Variants in FER1L6 observed in about 807,000 individuals in gnomAD.
FER1L6 encodes the protein fer-1-like protein 6.
In FER1L6, 177 loss-of-function variants were observed where a neutral mutation model predicts 219.2. The observed-to-expected ratio is 0.81, with a 90% CI of 0.71 to 0.91. The LOEUF (loss-of-function observed/expected upper bound fraction) is 0.91. Among genes scored for constraint, FER1L6 ranks in the 40% least tolerant of loss-of-function variants. The pLI, the probability that FER1L6 is intolerant of heterozygous loss-of-function variation, is 0.00. For missense variants in FER1L6, 2,153 were observed against 2,259.9 expected (o/e 0.95, Z 0.96); for synonymous variants, 768 against 824.3 (o/e 0.93, Z 1.17).
chr8:124,097,842 T>G lies in FER1L6; in HGVS notation c.4842T>G (p.Asn1614Lys), dbSNP rs1180807740. Reference protein sequence around the residue: ...NTEDVILEDENIFTGQKSSDI... With the variant: ...NTEDVILEDEKIFTGQKSSDI... ...AAGATGTCATTTTAGAGGATGAGAA[T>G]ATCTTCACAGGCCAAAAATCAAGTG... Residue 1614 changes from asparagine to lysine, a missense_variant, in exon 37 of 41, where the codon AAT becomes AAG. Transcript: ENST00000522917. 1 of 1,606,684 alleles carries G rather than the reference T, an allele frequency of 6.2e-7. No homozygotes were observed.
chr8:123,864,914 C>G (rs1816806018), intron 1 of FER1L6, among the ~76,000 whole-genome samples: 2 of 150,818 alleles, frequency 1.3e-5, no homozygotes, highest in Admixed American at 6.6e-5. Context: ...AACTTCTTTG[C>G]CTTTGGTTTG....
intron 12 of FER1L6, among the ~76,000 whole-genome samples, chr8:123,989,626 T>C (rs1816756696): frequency 6.6e-6 from 1 of 152,202 alleles, no homozygotes; most frequent in South Asian, 2.1e-4. Context: ...TTCATACCCA[T>C]AGCTTAGCTC....
intron 22 of FER1L6, among the ~76,000 whole-genome samples, chr8:124,056,158 C>T (rs1820285618): frequency 6.6e-6 from 1 of 152,156 alleles, no homozygotes; most frequent in African/African-American, 2.4e-5. Flanking sequence ...TTTAAGGTAA[C>T]ATACTTACAG....
intron 39 of FER1L6, among the ~76,000 whole-genome samples, chr8:124,109,495 T>G (rs1025798423): frequency 6.6e-6 from 1 of 152,166 alleles, no homozygotes; most frequent in East Asian, 1.9e-4. Flanking sequence ...GGCTGCTCTT[T>G]GTTAGAAAAT....
chr8:123,861,316 G>A (rs1424768606), intron 1 of FER1L6, among the ~76,000 whole-genome samples: 1 of 139,750 alleles, frequency 7.2e-6, no homozygotes, highest in African/African-American at 2.8e-5. Flanking sequence ...ATTTCTGAGG[G>A]CTCTGTTCTG....
chr8:124,010,484 C>T, intron 13 of FER1L6, 110 bp from the exon 14 acceptor site: 2 of 1,323,518 alleles, frequency 1.5e-6, no homozygotes, highest in Admixed American at 2.3e-5. Flanking sequence ...ATAGTTTTTT[C>T]ATCATGCCTC....
intron 12 of FER1L6, among the ~76,000 whole-genome samples, chr8:123,998,381 T>A (rs1817242146): frequency 1.6e-5 from 2 of 122,072 alleles, no homozygotes; most frequent in African/African-American, 3.9e-5. Context: ...AAACTCTCTC[T>A]CTCTCTCTCT....
intron 37 of FER1L6, among the ~76,000 whole-genome samples, chr8:124,100,479 A>G (rs935675372): frequency 2.6e-5 from 4 of 152,222 alleles, no homozygotes; most frequent in African/African-American, 9.6e-5. Flanking sequence ...TAACTTACCT[A>G]TGTCTGCATA....
chr8:124,018,677 G>T (rs1443236944), intron 16 of FER1L6, among the ~76,000 whole-genome samples: 1 of 151,974 alleles, frequency 6.6e-6, no homozygotes, highest in East Asian at 1.9e-4. Context: ...TTTTTTAGTG[G>T]CCTAGGTCTC....
intron 20 of FER1L6, chr8:124,040,826 T>C (rs1410995580): frequency 1.3e-5 from 2 of 152,222 alleles, no homozygotes; most frequent in African/African-American, 4.8e-5. Context: ...TAATCATAGA[T>C]TAATCCATTT....
intron 1 of FER1L6, among the ~76,000 whole-genome samples, chr8:123,903,182 G>C (rs1812890082): frequency 6.6e-6 from 1 of 152,122 alleles, no homozygotes; most frequent in Non-Finnish European, 1.5e-5. Context: ...TGCGGCTGCA[G>C]CATTTACACT....
intron 19 of FER1L6, among the ~76,000 whole-genome samples, chr8:124,038,042 C>G (rs1279121129): frequency 6.6e-6 from 1 of 152,220 alleles, no homozygotes; most frequent in Non-Finnish European, 1.5e-5. Flanking sequence ...TGTGCACAGA[C>G]TTTCAAGAGT....
chr8:124,013,241 C>CTAAAAA (rs1247703595), intron 14 of FER1L6, among the ~76,000 whole-genome samples, 190 bp from the exon 15 acceptor site: 1 of 151,920 alleles, frequency 6.6e-6, no homozygotes, highest in African/African-American at 2.4e-5. Flanking sequence ...ATTCCACTTA[C>CTAAAAA]TAAAAGAAAA....
In FER1L6 at chr8:123,966,160, T is replaced by C. The variant is rs554160174; in HGVS notation, c.254T>C (p.Ile85Thr). The C allele has an allele frequency of 3.1e-6, 5 of 1,614,010 alleles. No homozygotes were observed. Among genetic ancestry groups the C allele is most frequent in the East Asian group, 2.2e-5 (1 of 44,852 alleles). Residue 85 changes from isoleucine (I) to threonine (T), a missense_variant and splice_region_variant, in exon 5 of 41, where the codon ATT (isoleucine) becomes ACT (threonine). Transcript: ENST00000522917. ...TGTCCACACTGCTTTGTGTTGCAGATTGCCATAACCATCACCGAGGCTCGC... is the reference window on the plus strand; with the variant it reads ...TGTCCACACTGCTTTGTGTTGCAGACTGCCATAACCATCACCGAGGCTCGC... The part of the protein sequence containing the change: ...DGEVRSQNYQ[I>T]AITITEARQL...
At chr8:123,924,357 A>G (rs934260096) in intron 1 of FER1L6, among the ~76,000 whole-genome samples, 1 of 151,930 alleles carries the variant, frequency 6.6e-6, no homozygotes, top group African/African-American at 2.4e-5. Context: ...CCTGGCCGAC[A>G]TGGTAAAACC....
At position 123,852,636 on chromosome 8, in the gene FER1L6, T is replaced by A. The variant is rs1040620800; in HGVS notation, c.-8+451T>A. ...GAAAATGTGGGGCCTCTCACAAGAT[T>A]GTTAGACTTTTAAAACATAAATTTT... On this transcript the variant is annotated intron_variant, in intron 1 of 40. Transcript: ENST00000522917. This position sits in a 1 kb window ranked among gnomAD's most constrained non-coding sequence, Gnocchi z 4.9. Among the ~76,000 whole-genome samples, 38 of 152,258 alleles carry A rather than the reference T, an allele frequency of 2.5e-4. No individual in the cohort carries two copies. The highest frequency in any genetic ancestry group is 9.1e-4 in the African/African-American group (38 of 41,564).
chr8:124,108,834 C>T (rs1442200252), intron 39 of FER1L6, among the ~76,000 whole-genome samples: 3 of 151,996 alleles, frequency 2.0e-5, no homozygotes, highest in African/African-American at 7.3e-5. Flanking sequence ...GCTATGATCA[C>T]GCCTTTGCAT....
chr8:123,928,910 G>A (rs760182371), intron 1 of FER1L6, among the ~76,000 whole-genome samples: 2 of 152,148 alleles, frequency 1.3e-5, no homozygotes, highest in Admixed American at 1.3e-4. Context: ...GAGAAAGTGA[G>A]GCACACCCAG....
chr8:124,011,208 G>T (rs976621302), intron 14 of FER1L6, among the ~76,000 whole-genome samples: 7 of 152,024 alleles, frequency 4.6e-5, no homozygotes, highest in Admixed American at 4.6e-4. Flanking sequence ...TTTAAGCTTC[G>T]CAGCCACCCA....
Sources: allele counts gnomAD v4.1 joint callset (sites outside exome capture counted in the v4.1 genomes callset), GRCh38; gene constraint gnomAD v4.1.1; non-coding constraint Gnocchi (gnomAD v3.1); transcripts MANE v1.5; gene names NCBI Gene and HGNC (gene_info 2026-07-23, HGNC 2026-07-21).